The following RFX2 variants were observed in gnomAD, a reference collection of about 807,000 sequenced individuals.
The protein encoded by RFX2 is regulatory factor X2.
RFX2 carries 20 observed loss-of-function variants against 87.8 expected under a neutral mutation model. The ratio of observed to expected loss-of-function variants is 0.23; its 90% CI spans 0.16 to 0.33. RFX2 has a LOEUF of 0.33. RFX2 is among the 10% of genes least tolerant of loss of function. The pLI, the probability that RFX2 is intolerant of heterozygous loss-of-function variation, is 1.00. For missense variants in RFX2, 767 were observed against 1,012.3 expected (o/e 0.76, Z 3.29); for synonymous variants, 397 against 431.3 (o/e 0.92, Z 0.98).
intron 9 of RFX2, among the ~76,000 whole-genome samples, chr19:6,009,443 C>A (rs900633970): frequency 4.1e-4 from 62 of 152,100 alleles, no homozygotes; most frequent in African/African-American, 1.4e-3. Context: ...CTTGAGCAGC[C>A]CCCAGGGAAG....
chr19:6,107,222 G>A (rs56677442), intron 1 of RFX2, among the ~76,000 whole-genome samples: 33,402 of 151,894 alleles, frequency 0.22, 6,754 homozygotes, highest in African/African-American at 0.54. Flanking sequence ...TGTAAACCTC[G>A]GGGGTGGAGC....
chr19:6,060,703 G>A (rs188634898), intron 1 of RFX2, among the ~76,000 whole-genome samples: 12 of 152,180 alleles, frequency 7.9e-5, no homozygotes, highest in Non-Finnish European at 1.3e-4. Flanking sequence ...AGTGTTTCGT[G>A]TCGCTCCTCG....
At position 6,013,128 on chromosome 19, in the gene RFX2, TCAGCTCCCTTTG is replaced by T; in HGVS notation, c.780-35_780-24del. 6.4e-7 allele frequency: 1 copy of T among 1,568,298 alleles called. No individual in the cohort carries two copies. The highest frequency in any genetic ancestry group is 1.2e-5 in the South Asian group (1 of 85,066). On this transcript the variant is annotated intron_variant, in intron 7 of 17. Coordinates refer to ENST00000303657, the MANE Select transcript of RFX2 (RefSeq NM_000635.4). This position sits in a 1 kb window ranked among gnomAD's most constrained non-coding sequence, Gnocchi z 4.1. The stretch of plus-strand genomic sequence containing the variant: ...CCCCTGGAAACCAAACATCCCAGGG[TCAGCTCCCTTTG>T]CAGATGTCCTGAACAACAAGACAGG...
chr19:6,010,569 C>T lies in RFX2; in HGVS notation c.900-318G>A, dbSNP rs1160551910. On this transcript the variant is annotated intron_variant, in intron 8 of 17. Transcript: ENST00000303657. This position sits in a 1 kb window ranked among gnomAD's most constrained non-coding sequence, Gnocchi z 5.0. Reference sequence around the variant, plus strand: ...CCAGCCCCTGGCACCCCTGATCTGACTTCCCGTCTCTGTGAATCTGACGAC... The same window carrying T: ...CCAGCCCCTGGCACCCCTGATCTGATTTCCCGTCTCTGTGAATCTGACGAC... 2.0e-5 allele frequency among the ~76,000 whole-genome samples: 3 copies of T among 152,156 alleles called. No individual in the cohort carries two copies. The highest frequency in any genetic ancestry group is 4.4e-5 in the Non-Finnish European group (3 of 68,026).
rs367650608 is a variant in RFX2 at position 6,063,355 on chromosome 19, G to A, written c.-8-15851C>T. ...CTGCAGAATCGAGGGAGGCCAGCAT[G>A]GCACACAGCGGTCCAGACTCGCAGT... On this transcript the variant is annotated intron_variant, in intron 1 of 17. Transcript: ENST00000303657. The surrounding 1 kb of genome is among the most constrained non-coding windows in gnomAD (Gnocchi z 4.0). Among the ~76,000 whole-genome samples the A allele has an allele frequency of 1.3e-5, 2 of 152,328 alleles. No individual in the cohort carries two copies. The highest frequency in any genetic ancestry group is 1.9e-4 in the East Asian group (1 of 5,186).
rs980519007 is a variant in RFX2 at position 6,044,116 on chromosome 19, A to G, written c.180+77T>C. The G allele has an allele frequency of 5.3e-6, 4 of 759,602 alleles. No individual in the cohort carries two copies. The highest frequency in any genetic ancestry group is 8.5e-5 in the Admixed American group (2 of 23,524). 47.1% of individuals were successfully genotyped at this position (759,602 alleles called of 1,614,324 possible). On this transcript the variant is annotated intron_variant, in intron 3 of 17. Coordinates refer to ENST00000303657, the MANE Select transcript of RFX2 (RefSeq NM_000635.4). This position sits in a 1 kb window ranked among gnomAD's most constrained non-coding sequence, Gnocchi z 5.3. ...GAACAGCAGCCACAGAAAAGGATGC[A>G]TCCTTCAGAGATTGTTCTGGATTGC...
rs1001066301 is a variant in RFX2, at chr19:6,017,387, C to A, written c.598-1116G>T. Among the ~76,000 whole-genome samples, 1 of 152,212 alleles carries A rather than the reference C, an allele frequency of 6.6e-6. No individual in the cohort carries two copies. The highest frequency in any genetic ancestry group is 2.4e-5 in the African/African-American group (1 of 41,446). On this transcript the variant is annotated intron_variant, in intron 6 of 17. Coordinates refer to ENST00000303657, the MANE Select transcript of RFX2 (RefSeq NM_000635.4). The surrounding 1 kb of genome is among the most constrained non-coding windows in gnomAD (Gnocchi z 4.1). ...GGCATGGACGCAAAGGTGGCCTGCCCACCAACTGATGCCCTCACCCAGGTG... is the reference window on the plus strand; with the variant it reads ...GGCATGGACGCAAAGGTGGCCTGCCAACCAACTGATGCCCTCACCCAGGTG...
Position 6,007,798 on chromosome 19 carries a change from G to A in RFX2, c.1139C>T (p.Thr380Ile). Reference protein sequence around the residue: ...QLVYRRHCEATVDVVMNLQFH... With the variant: ...QLVYRRHCEAIVDVVMNLQFH... Reference sequence around the variant, plus strand: ...CTGGAGGTTCATCACCACATCTACAGTTGCCTAGGAATGAAGGGACCGGTG... The same window carrying A: ...CTGGAGGTTCATCACCACATCTACAATTGCCTAGGAATGAAGGGACCGGTG... The change falls in exon 11 of 18, where the codon ACT becomes ATT. Residue 380 changes from threonine (T) to isoleucine (I), a missense_variant. Physicochemically the swap from Thr to Ile is moderately conservative, Grantham distance 89. Transcript: ENST00000303657. The surrounding 1 kb of genome is among the most constrained non-coding windows in gnomAD (Gnocchi z 8.2). The A allele has an allele frequency of 1.3e-6, 2 of 1,549,216 alleles. No homozygotes were observed. Among genetic ancestry groups the A allele is most frequent in the South Asian group, 2.4e-5 (2 of 84,072 alleles).
At chr19:6,072,122 A>T (rs1305439806) in intron 1 of RFX2, 2 of 152,156 alleles carry the variant, frequency 1.3e-5, no homozygotes, top group African/African-American at 4.8e-5. Flanking sequence ...AATTTTGGAT[A>T]AAAAAATGGA....
intron 1 of RFX2, among the ~76,000 whole-genome samples, chr19:6,104,727 C>T (rs1464842161): frequency 1.3e-5 from 2 of 152,118 alleles, no homozygotes; most frequent in Non-Finnish European, 2.9e-5. Flanking sequence ...CTCTTCATTT[C>T]TACATATGCT....
chr19:6,107,938 C>T (rs1484824836), intron 1 of RFX2, among the ~76,000 whole-genome samples: 1 of 152,124 alleles, frequency 6.6e-6, no homozygotes, highest in Non-Finnish European at 1.5e-5. Flanking sequence ...GTAATGCGTG[C>T]CCTTCACGCA....
In RFX2 at chr19:6,012,840, T is replaced by G; in HGVS notation, c.899+146A>C. On this transcript the variant is annotated intron_variant, in intron 8 of 17. Transcript: ENST00000303657. This position sits in a 1 kb window ranked among gnomAD's most constrained non-coding sequence, Gnocchi z 4.6. Reference sequence around the variant, plus strand: ...TCCTGTGTCTCCTGCTAGACTCACCTCAGTCTCAGCAGAGGGGGATACCTT... The same window carrying G: ...TCCTGTGTCTCCTGCTAGACTCACCGCAGTCTCAGCAGAGGGGGATACCTT... 1 of 740,126 alleles carries G rather than the reference T, an allele frequency of 1.4e-6. No homozygotes were observed. Among genetic ancestry groups the G allele is most frequent in the Non-Finnish European group, 2.0e-6 (1 of 509,656 alleles). The allele number at this position is 740,126 out of a possible 1,614,324, so 45.8% of individuals were successfully genotyped here.
chr19:6,098,052 C>G (rs1436654308), intron 1 of RFX2, among the ~76,000 whole-genome samples: 27 of 152,024 alleles, frequency 1.8e-4, no homozygotes, highest in Non-Finnish European at 2.9e-5. Context: ...ATACAAGAAT[C>G]AAAAATGTTA....
At position 6,022,260 on chromosome 19, in the gene RFX2, C is replaced by T. The variant is rs78984697; in HGVS notation, c.597+3903G>A. Among the ~76,000 whole-genome samples, 3 of 152,298 alleles carry T rather than the reference C, an allele frequency of 2.0e-5. No individual in the cohort carries two copies. The highest frequency in any genetic ancestry group is 3.9e-4 in the East Asian group (2 of 5,178). On this transcript the variant is annotated intron_variant, in intron 6 of 17. Transcript: ENST00000303657. The surrounding 1 kb of genome is among the most constrained non-coding windows in gnomAD (Gnocchi z 6.2). The stretch of plus-strand genomic sequence containing the variant: ...ACAGAGGCCCCTTCTGAGGAGCTGC[C>T]GGCTCTAGCAACCCCACTGTGGCCT...
At position 6,004,163 on chromosome 19, in the gene RFX2, G is replaced by A. The variant is rs1416099913; in HGVS notation, c.1500+38C>T. On this transcript the variant is annotated intron_variant, in intron 13 of 17. Coordinates refer to ENST00000303657, the MANE Select transcript of RFX2 (RefSeq NM_000635.4). This position sits in a 1 kb window ranked among gnomAD's most constrained non-coding sequence, Gnocchi z 4.8. ...CTGTCCTGGACTGGAGCCCCTCCCA[G>A]CCATCGTTGGGGAGCCCAGGCCCCA... 6.7e-7 allele frequency: 1 copy of A among 1,491,738 alleles called. No homozygotes were observed. Among genetic ancestry groups the A allele is most frequent in the South Asian group, 1.1e-5 (1 of 88,612 alleles). The allele number at this position is 1,491,738 out of a possible 1,614,324, so 92.4% of individuals were successfully genotyped here.
chr19:6,052,375 C>T (rs527303853), intron 1 of RFX2, among the ~76,000 whole-genome samples: 7 of 152,166 alleles, frequency 4.6e-5, no homozygotes, highest in Non-Finnish European at 8.8e-5. Context: ...AATACAGCTT[C>T]AAGATACGTA....
chr19:6,044,336 G>T lies in RFX2; in HGVS notation c.91-54C>A. 9.2e-7 allele frequency: 1 copy of T among 1,091,194 alleles called. No homozygotes were observed. The highest frequency in any genetic ancestry group is 1.3e-6 in the Non-Finnish European group (1 of 790,588). 67.6% of individuals were successfully genotyped at this position (1,091,194 alleles called of 1,614,324 possible). A position where few individuals can be genotyped will look rare whatever the true frequency, so the allele number is the denominator to read the frequency against. ...AGACTTGTCAGAGGTCAGTGCTGAG[G>T]ATACACACAGAATGTAAGATGCTGT... is the stretch of plus-strand genomic sequence containing the variant. On this transcript the variant is annotated intron_variant, in intron 2 of 17. Coordinates refer to ENST00000303657, the MANE Select transcript of RFX2 (RefSeq NM_000635.4). This position sits in a 1 kb window ranked among gnomAD's most constrained non-coding sequence, Gnocchi z 5.3.
rs774526700 is a variant in RFX2, at chr19:5,998,656, C to T, written c.1860-1443G>A. 2.6e-5 allele frequency among the ~76,000 whole-genome samples: 4 copies of T among 152,166 alleles called. No individual in the cohort carries two copies. Among genetic ancestry groups the T allele is most frequent in the African/African-American group, 9.7e-5 (4 of 41,448 alleles). ...CCCCTTTCCCCAAAGGCCTCCCCCA[C>T]GCAGATGAGGTGCTGGCACTCTGCA... On this transcript the variant is annotated intron_variant, in intron 15 of 17. Coordinates refer to ENST00000303657, the MANE Select transcript of RFX2 (RefSeq NM_000635.4). The surrounding 1 kb of genome is among the most constrained non-coding windows in gnomAD (Gnocchi z 4.2).
At chr19:6,072,506 C>G (rs879826972) in intron 1 of RFX2, among the ~76,000 whole-genome samples, 2 of 152,048 alleles carry the variant, frequency 1.3e-5, no homozygotes, top group African/African-American at 2.4e-5. Context: ...AGTTTGAGAA[C>G]AGCCTGGGTA....
Sources: gnomAD v4.1 joint callset for allele counts (sites outside exome capture counted in the v4.1 genomes callset) on GRCh38, gnomAD v4.1.1 for gene constraint, Gnocchi (gnomAD v3.1) non-coding constraint, MANE v1.5 for transcripts, NCBI Gene and HGNC (gene_info 2026-07-23, HGNC 2026-07-21) for gene names.